The following ITPR2 variants were observed in gnomAD, a reference collection of about 807,000 sequenced individuals.
The protein encoded by ITPR2 is inositol 1,4,5-trisphosphate-gated calcium channel ITPR2.
Under a neutral mutation model 317.1 loss-of-function variants are expected in ITPR2, and 207 were observed. The ratio of observed to expected loss-of-function variants is 0.65; its 90% CI spans 0.58 to 0.73. The LOEUF is 0.73. Among genes scored for constraint, ITPR2 ranks in the 30% least tolerant of loss-of-function variants. The probability of loss-of-function intolerance (pLI) is 0.00; values close to 1 mark genes in which losing one functional copy is unlikely to be tolerated. For synonymous variants in ITPR2, 1,156 were observed against 1,149.1 expected, an observed-to-expected ratio of 1.01 and a Z score of -0.12; for missense variants, 2,613 against 3,284.0, an observed-to-expected ratio of 0.80 and a Z score of 4.99.
At chr12:26,734,322 T>C (rs1949079247) in intron 2 of ITPR2, among the ~76,000 whole-genome samples, 1 of 152,234 alleles carries the variant, frequency 6.6e-6, no homozygotes, top group Non-Finnish European at 1.5e-5. Flanking sequence ...TCACTGAAAT[T>C]AAAACACATA....
At chr12:26,624,563 G>C (rs907029281) in intron 23 of ITPR2, among the ~76,000 whole-genome samples, 1 of 152,040 alleles carries the variant, frequency 6.6e-6, no homozygotes, top group Non-Finnish European at 1.5e-5. Flanking sequence ...TGGCAAACAG[G>C]TTTATGAAAA....
chr12:26,465,199 A>G (rs1204458192), intron 45 of ITPR2, among the ~76,000 whole-genome samples: 3 of 152,246 alleles, frequency 2.0e-5, no homozygotes, highest in African/African-American at 4.8e-5. Context: ...AAGCAGAACG[A>G]AAGATCAGGA....
chr12:26,676,962 G>A (rs1323756293), intron 13 of ITPR2, among the ~76,000 whole-genome samples: 2 of 152,050 alleles, frequency 1.3e-5, no homozygotes, highest in East Asian at 3.9e-4. Context: ...AAGAAAGAAG[G>A]GAGGGAGAAT....
At chr12:26,363,898 G>A (rs1938922923) in intron 55 of ITPR2, among the ~76,000 whole-genome samples, 1 of 152,098 alleles carries the variant, frequency 6.6e-6, no homozygotes. Flanking sequence ...TGTATAAAAT[G>A]TCTTCTAAAA....
At chr12:26,667,062 A>T (rs1282505465) in intron 13 of ITPR2, among the ~76,000 whole-genome samples, 1 of 152,242 alleles carries the variant, frequency 6.6e-6, no homozygotes, top group African/African-American at 2.4e-5. Context: ...AAACAGTTAA[A>T]TTAGCTTCAT....
At chr12:26,704,233 A>G (rs774913588) in intron 9 of ITPR2, among the ~76,000 whole-genome samples, 7 of 152,242 alleles carry the variant, frequency 4.6e-5, no homozygotes, top group Non-Finnish European at 7.3e-5. Context: ...AAATTTATCT[A>G]AAGAATTCAG....
intron 55 of ITPR2, among the ~76,000 whole-genome samples, chr12:26,365,530 A>G (rs1438059787): frequency 6.6e-6 from 1 of 152,210 alleles, no homozygotes; most frequent in Non-Finnish European, 1.5e-5. Context: ...CTTGTTTACC[A>G]TTATATAAGT....
At chr12:26,764,415 T>C (rs1320567106) in intron 2 of ITPR2, among the ~76,000 whole-genome samples, 1 of 151,996 alleles carries the variant, frequency 6.6e-6, no homozygotes, top group Non-Finnish European at 1.5e-5. Context: ...AATGACAAGA[T>C]AAGGCACCAA....
At chr12:26,822,447 C>T (rs2137295690) in intron 1 of ITPR2, among the ~76,000 whole-genome samples, 1 of 152,064 alleles carries the variant, frequency 6.6e-6, no homozygotes, top group South Asian at 2.1e-4. Context: ...GTGGGAGACT[C>T]GTGTATGTGT....
At chr12:26,432,484 A>C (rs1323874046) in intron 48 of ITPR2, among the ~76,000 whole-genome samples, 1 of 151,900 alleles carries the variant, frequency 6.6e-6, no homozygotes, top group Admixed American at 6.6e-5. Context: ...TGATCACTTT[A>C]AAGTTATTAT....
intron 55 of ITPR2, among the ~76,000 whole-genome samples, chr12:26,372,315 A>G (rs1024763610): frequency 6.6e-6 from 1 of 152,240 alleles, no homozygotes; most frequent in Non-Finnish European, 1.5e-5. Context: ...AAAGTTGTTG[A>G]ATAAATAATA....
At chr12:26,462,309 G>A (rs747711833) in intron 45 of ITPR2, among the ~76,000 whole-genome samples, 1 of 152,062 alleles carries the variant, frequency 6.6e-6, no homozygotes, top group Non-Finnish European at 1.5e-5. Context: ...TGGGACTACA[G>A]GCAAGTGCCA....
intron 35 of ITPR2, among the ~76,000 whole-genome samples, chr12:26,559,536 G>A (rs924387188): frequency 6.8e-6 from 1 of 148,072 alleles, no homozygotes; most frequent in Non-Finnish European, 1.5e-5. Context: ...GCAACTCCCA[G>A]AAGACATCAC....
intron 1 of ITPR2, among the ~76,000 whole-genome samples, chr12:26,799,637 G>A (rs756724549): frequency 8.5e-5 from 13 of 152,170 alleles, no homozygotes; most frequent in Admixed American, 2.0e-4. Flanking sequence ...AAAAATCATC[G>A]TGACTTTTTC....
chr12:26,778,566 T>G (rs1221030044), intron 2 of ITPR2, among the ~76,000 whole-genome samples: 1 of 152,236 alleles, frequency 6.6e-6, no homozygotes, highest in Non-Finnish European at 1.5e-5. Flanking sequence ...GCAATTTGCC[T>G]TCGGCTGGCA....
At chr12:26,786,212 T>G (rs7296863) in intron 2 of ITPR2, among the ~76,000 whole-genome samples, 38,520 of 38,534 alleles carry the variant, frequency 1, 19,253 homozygotes, top group Middle Eastern at 1. Context: ...ATGGATTAAG[T>G]GCGGTGCAAG....
At chr12:26,436,100 T>C in intron 48 of ITPR2, 121 bp downstream of exon 48, 1 of 953,764 alleles carries the variant, frequency 1.0e-6, no homozygotes. Context: ...TATCATACTC[T>C]ACTTCCAACA....
chr12:26,510,689 A>G (rs1031838671), intron 37 of ITPR2, among the ~76,000 whole-genome samples: 1 of 152,228 alleles, frequency 6.6e-6, no homozygotes, highest in Non-Finnish European at 1.5e-5. Flanking sequence ...TGTTTTAATA[A>G]TGGAGACAAA....
chr12:26,788,217 C>T (rs554598599), intron 2 of ITPR2, among the ~76,000 whole-genome samples: 2 of 152,276 alleles, frequency 1.3e-5, no homozygotes, highest in South Asian at 2.1e-4. Flanking sequence ...CCACCATGCC[C>T]GGCCCATTTG....
Sources: gnomAD v4.1 joint callset for allele counts (sites outside exome capture counted in the v4.1 genomes callset) on GRCh38, gnomAD v4.1.1 for gene constraint, MANE v1.5 for transcripts, NCBI Gene and HGNC (gene_info 2026-07-23, HGNC 2026-07-21) for gene names.